The following COL6A5 variants were observed in gnomAD, a reference collection of about 807,000 sequenced individuals.
The protein encoded by COL6A5 is collagen alpha-5(VI) chain.
A neutral mutation model predicts 65.6 loss-of-function variants in COL6A5; 48 were observed. The observed-to-expected ratio is 0.73, with a 90% CI of 0.58 to 0.93. The LOEUF (loss-of-function observed/expected upper bound fraction) is 0.93. COL6A5 is among the 40% of genes least tolerant of loss of function. The pLI is 0.00. For missense variants in COL6A5, 914 were observed against 928.3 expected, an observed-to-expected ratio of 0.98 and a Z score of 0.20; for synonymous variants, 291 against 322.8, an observed-to-expected ratio of 0.90 and a Z score of 1.05.
At chr3:130,385,343 C>A in exon 5 of COL6A5, 1 of 1,550,020 alleles carries the variant, frequency 6.5e-7, no homozygotes, top group South Asian at 1.2e-5. Context: ...TGAAGTCGTT[C>A]GTGAAATCTG....
At chr3:130,456,881 A>G (rs920951702) in intron 5 of COL6A5, among the ~76,000 whole-genome samples, 5 of 152,128 alleles carry the variant, frequency 3.3e-5, no homozygotes, top group African/African-American at 1.2e-4. Context: ...TAAAATATAA[A>G]TACTCGAACC....
chr3:130,385,046 C>A (rs1359920849), exon 5 of COL6A5: 1 of 1,550,790 alleles, frequency 6.4e-7, no homozygotes, highest in Non-Finnish European at 8.7e-7. Context: ...CATTAAGCAA[C>A]TAACTGGTGG....
intron 4 of COL6A5, among the ~76,000 whole-genome samples, chr3:130,446,114 A>T (rs1709297084): frequency 6.6e-6 from 1 of 152,138 alleles, no homozygotes; most frequent in South Asian, 2.1e-4. Context: ...CTAGAGGGAT[A>T]CAACTAGGTG....
exon 8 of COL6A5, chr3:130,484,808 A>C (rs2107632281): frequency 2.5e-6 from 1 of 398,800 alleles, no homozygotes. Context: ...CAATGTAGCA[A>C]GAGATAATTT....
intron 3 of COL6A5, 66 bp from the exon 36 acceptor site, chr3:130,443,410 T>G (rs577882896): frequency 2.4e-6 from 3 of 1,225,782 alleles, no homozygotes; most frequent in Non-Finnish European, 3.6e-6. Context: ...CCTGTTGGGA[T>G]TCTCTTTACC....
At chr3:130,442,030 G>C (rs1709194703) in intron 3 of COL6A5, among the ~76,000 whole-genome samples, 1 of 152,084 alleles carries the variant, frequency 6.6e-6, no homozygotes, top group African/African-American at 2.4e-5. Flanking sequence ...TCATTGCAAG[G>C]AGAGCTCCAC....
intron 5 of COL6A5, among the ~76,000 whole-genome samples, chr3:130,465,066 T>A (rs1284162129): frequency 3.2e-4 from 48 of 151,990 alleles, no homozygotes; most frequent in Non-Finnish European, 2.9e-5. Flanking sequence ...CATTAGGAAA[T>A]GAAATACAGT....
chr3:130,464,878 T>C (rs1046173522), intron 5 of COL6A5, among the ~76,000 whole-genome samples: 7 of 152,086 alleles, frequency 4.6e-5, no homozygotes, highest in African/African-American at 1.7e-4. Context: ...ATGTGGTGTA[T>C]ATATGACCAG....
chr3:130,350,657 A>C (rs1480714767), intron 1 of COL6A5, among the ~76,000 whole-genome samples: 3 of 152,208 alleles, frequency 2.0e-5, no homozygotes, highest in Non-Finnish European at 4.4e-5. Context: ...AACAAAATAA[A>C]AGAGAACACA....
At chr3:130,384,747 C>T (rs887141820) in intron 4 of COL6A5, 57 bp from the exon 5 acceptor site, 6 of 1,394,614 alleles carry the variant, frequency 4.3e-6, no homozygotes, top group Middle Eastern at 1.8e-4. Context: ...TTCACAAACC[C>T]TCTTGCAAAG....
chr3:130,390,596 C>T (rs567954890), intron 6 of COL6A5, among the ~76,000 whole-genome samples: 48 of 152,206 alleles, frequency 3.2e-4, no homozygotes, highest in Admixed American at 2.6e-3. Context: ...TTGCTCTCCT[C>T]CTACTTGGGG....
At chr3:130,470,419 A>G (rs1002628761) in intron 6 of COL6A5, among the ~76,000 whole-genome samples, 4 of 152,046 alleles carry the variant, frequency 2.6e-5, no homozygotes, top group Admixed American at 1.3e-4. Context: ...GGAATTTAGC[A>G]GTTATGTTTA....
chr3:130,413,940 A>C (rs1308742079), intron 21 of COL6A5, 129 bp from the exon 22 acceptor site: 3 of 699,570 alleles, frequency 4.3e-6, no homozygotes, highest in South Asian at 3.6e-5. Context: ...GTAAAATCCT[A>C]GGCCAAGTAG....
chr3:130,386,730 A>G (rs150704812), intron 5 of COL6A5, among the ~76,000 whole-genome samples: 1 of 152,180 alleles, frequency 6.6e-6, no homozygotes, highest in Non-Finnish European at 1.5e-5. Context: ...CTAGGGAGGT[A>G]CAGTACATCC....
chr3:130,466,624 T>A (rs2107611706), intron 5 of COL6A5, among the ~76,000 whole-genome samples: 1 of 151,700 alleles, frequency 6.6e-6, no homozygotes, highest in South Asian at 2.1e-4. Flanking sequence ...GAAAATAAAG[T>A]GGAATTCAGT....
At chr3:130,421,947 T>C (rs960942523) in intron 27 of COL6A5, among the ~76,000 whole-genome samples, 1 of 152,120 alleles carries the variant, frequency 6.6e-6, no homozygotes, top group Non-Finnish European at 1.5e-5. Context: ...TTAAGTTATG[T>C]CTGTTTTATA....
chr3:130,421,197 A>C, exon 26 of COL6A5: 1 of 1,550,728 alleles, frequency 6.4e-7, no homozygotes, highest in Non-Finnish European at 8.7e-7. Flanking sequence ...GACGAAAAGG[A>C]GTAAAGGTAA....
intron 1 of COL6A5, among the ~76,000 whole-genome samples, chr3:130,432,620 C>G (rs977565396): frequency 6.6e-6 from 1 of 151,560 alleles, no homozygotes; most frequent in Admixed American, 6.6e-5. Flanking sequence ...TACTAAGTGG[C>G]TAAATTGAGA....
chr3:130,458,521 C>T (rs1220093064), intron 5 of COL6A5, among the ~76,000 whole-genome samples: 1 of 152,116 alleles, frequency 6.6e-6, no homozygotes, highest in African/African-American at 2.4e-5. Context: ...ACTCAGCAAT[C>T]TGGGTTTTAA....
Sources: gnomAD v4.1 joint callset for allele counts (sites outside exome capture counted in the v4.1 genomes callset) on GRCh38, gnomAD v4.1.1 for gene constraint, MANE v1.5 for transcripts, NCBI Gene and HGNC (gene_info 2026-07-23, HGNC 2026-07-21) for gene names.